The following GRIK1 variants were observed in gnomAD, a reference collection of about 807,000 sequenced individuals.
The protein encoded by GRIK1 is glutamate ionotropic receptor kainate type subunit 1.
Under a neutral mutation model 105.7 loss-of-function variants are expected in GRIK1, and 69 were observed. That is an observed-to-expected ratio of 0.65 (90% CI 0.54 to 0.80). GRIK1 has a LOEUF of 0.80. Among genes scored for constraint, GRIK1 ranks in the 30% least tolerant of loss-of-function variants. The probability of loss-of-function intolerance (pLI) is 0.00; values close to 1 mark genes in which losing one functional copy is unlikely to be tolerated. For synonymous variants in GRIK1, 438 were observed against 431.3 expected, an observed-to-expected ratio of 1.02 and a Z score of -0.19; for missense variants, 1,109 against 1,167.3, an observed-to-expected ratio of 0.95 and a Z score of 0.73.
At chr21:29,847,807 A>G (rs976528359) in intron 1 of GRIK1, among the ~76,000 whole-genome samples, 3 of 152,114 alleles carry the variant, frequency 2.0e-5, no homozygotes, top group Non-Finnish European at 4.4e-5. Flanking sequence ...CATGCTTTCA[A>G]GAACACACCT....
At chr21:29,586,308 T>C (rs1003972817) in intron 12 of GRIK1, among the ~76,000 whole-genome samples, 23 of 152,344 alleles carry the variant, frequency 1.5e-4, no homozygotes, top group African/African-American at 5.3e-4. Context: ...TTGATTCAGT[T>C]TGAGTATGTC....
At chr21:29,798,857 C>G (rs1449007844) in intron 1 of GRIK1, among the ~76,000 whole-genome samples, 1 of 152,150 alleles carries the variant, frequency 6.6e-6, no homozygotes, top group Admixed American at 6.5e-5. Context: ...AAGACATCAC[C>G]TGGCTGGCTT....
chr21:29,678,016 T>C (rs1054407857), intron 3 of GRIK1, among the ~76,000 whole-genome samples: 2 of 152,244 alleles, frequency 1.3e-5, no homozygotes, highest in African/African-American at 4.8e-5. Flanking sequence ...CTAGGTTTTC[T>C]TGAGTCTTAA....
chr21:29,680,208 A>G (rs2063344548), intron 3 of GRIK1, among the ~76,000 whole-genome samples: 1 of 152,368 alleles, frequency 6.6e-6, no homozygotes, highest in South Asian at 2.1e-4. Flanking sequence ...ATTTTTGTAC[A>G]GTTCCCTCAA....
At position 29,926,123 on chromosome 21, in the gene GRIK1, T is replaced by G. The variant is rs1409859810; in HGVS notation, c.118+13260A>C. ...AAAAAGCTAAAAAAAAAAAAAAAACTTGCAAGGTATGTATAGTTTAACATA... is the reference window on the plus strand; with the variant it reads ...AAAAAGCTAAAAAAAAAAAAAAAACGTGCAAGGTATGTATAGTTTAACATA... On this transcript the variant is annotated intron_variant, in intron 1 of 17. Transcript: ENST00000327783. Among the ~76,000 whole-genome samples the G allele has an allele frequency of 2.7e-5, 4 of 146,434 alleles. No homozygotes were observed. In the East Asian group the frequency reaches 8.1e-4, roughly 30 times the overall value.
intron 14 of GRIK1, among the ~76,000 whole-genome samples, chr21:29,564,549 C>A (rs2090567608): frequency 6.6e-6 from 1 of 152,116 alleles, no homozygotes; most frequent in African/African-American, 2.4e-5. Flanking sequence ...AGTTCATCCA[C>A]GGTAAATGGA....
intron 14 of GRIK1, among the ~76,000 whole-genome samples, chr21:29,572,382 G>A (rs2090771330): frequency 6.6e-6 from 1 of 152,042 alleles, no homozygotes; most frequent in Non-Finnish European, 1.5e-5. Context: ...GTCTCTTCTT[G>A]TGTGGGTCCC....
chr21:29,698,216 C>T (rs777456062), intron 1 of GRIK1, among the ~76,000 whole-genome samples: 4 of 152,144 alleles, frequency 2.6e-5, no homozygotes, highest in African/African-American at 7.2e-5. Context: ...GAAATCCCTA[C>T]CTTTTTCATC....
rs1483529439 is a variant in GRIK1 at position 29,553,667 on chromosome 21, G to C, written c.2607+1385C>G. On this transcript the variant is annotated intron_variant, in intron 16 of 17. Transcript: ENST00000327783. ...TCCAGAAGTGGAGTTGGTTGGATGG[G>C]TTTGCTTACATTGCAGTCCATAAAA... 3 of 1,606,360 alleles carry C rather than the reference G, an allele frequency of 1.9e-6. No homozygotes were observed. The African/African-American group carries it at 4.0e-5, about 22-fold the overall frequency.
At position 29,555,022 on chromosome 21, in the gene GRIK1, ACTAACCAGTC is replaced by A. The variant is rs1221812026; in HGVS notation, c.2607+20_2607+29del. 3 of 1,573,462 alleles carry A rather than the reference ACTAACCAGTC, an allele frequency of 1.9e-6. No individual in the cohort carries two copies. Reference sequence around the variant, plus strand: ...TTAAGACAGATAATGCAAACTATAAACTAACCAGTCCTAGAAAGAGATGACTCACCTGTTC... The same window carrying A: ...TTAAGACAGATAATGCAAACTATAAACTAGAAAGAGATGACTCACCTGTTC... On this transcript the variant is annotated intron_variant, in intron 16 of 17. Coordinates refer to ENST00000327783, the MANE Select transcript of GRIK1 (RefSeq NM_001330994.2).
At chr21:29,776,705 T>G (rs2145758456) in intron 1 of GRIK1, among the ~76,000 whole-genome samples, 1 of 152,328 alleles carries the variant, frequency 6.6e-6, no homozygotes, top group African/African-American at 2.4e-5. Flanking sequence ...TGTTAGTGAT[T>G]TAGTGATGAC....
intron 7 of GRIK1, among the ~76,000 whole-genome samples, chr21:29,605,941 A>G (rs1310447041): frequency 6.6e-6 from 1 of 152,002 alleles, no homozygotes; most frequent in Non-Finnish European, 1.5e-5. Context: ...TCCTTGCTAG[A>G]TCAAGGTGAA....
intron 1 of GRIK1, among the ~76,000 whole-genome samples, chr21:29,778,370 A>G (rs1327999925): frequency 2.0e-5 from 3 of 152,224 alleles, no homozygotes; most frequent in Non-Finnish European, 4.4e-5. Flanking sequence ...AAGATTTAAT[A>G]TAAGTGGTTT....
intron 1 of GRIK1, among the ~76,000 whole-genome samples, chr21:29,925,002 A>T (rs1227899470): frequency 6.6e-6 from 1 of 152,192 alleles, no homozygotes; most frequent in Non-Finnish European, 1.5e-5. Flanking sequence ...ATTTCCCTAG[A>T]TACTATAAAT....
intron 1 of GRIK1, among the ~76,000 whole-genome samples, chr21:29,825,287 G>A (rs905107540): frequency 6.6e-6 from 1 of 152,004 alleles, no homozygotes; most frequent in African/African-American, 2.4e-5. Flanking sequence ...GTATTTCTAA[G>A]TTTTAAAACA....
intron 1 of GRIK1, among the ~76,000 whole-genome samples, chr21:29,805,968 C>A (rs2066852924): frequency 6.6e-6 from 1 of 152,048 alleles, no homozygotes; most frequent in Admixed American, 6.6e-5. Context: ...ATATAAGAAA[C>A]CAAACATGCT....
chr21:29,855,709 G>A (rs938963341), intron 1 of GRIK1, among the ~76,000 whole-genome samples: 3 of 152,130 alleles, frequency 2.0e-5, no homozygotes, highest in African/African-American at 7.2e-5. Flanking sequence ...AAGAGGCATA[G>A]GAAAGACTTG....
At chr21:29,628,042 G>A (rs2062173774) in intron 7 of GRIK1, among the ~76,000 whole-genome samples, 1 of 152,074 alleles carries the variant, frequency 6.6e-6, no homozygotes, top group South Asian at 2.1e-4. Context: ...TATAAACATA[G>A]CCCTGATGGA....
intron 16 of GRIK1, 107 bp downstream of exon 16, chr21:29,554,945 C>A: frequency 3.3e-6 from 3 of 908,684 alleles, no homozygotes. Context: ...CTCTTCTGGG[C>A]ATCTAATTCA....
Sources: allele counts gnomAD v4.1 joint callset (sites outside exome capture counted in the v4.1 genomes callset), GRCh38; gene constraint gnomAD v4.1.1; transcripts MANE v1.5; gene names NCBI Gene and HGNC (gene_info 2026-07-23, HGNC 2026-07-21).